Variants in UTRN observed in about 807,000 individuals in gnomAD.
UTRN encodes utrophin.
A neutral mutation model predicts 463.9 loss-of-function variants in UTRN; 283 were observed. The ratio of observed to expected loss-of-function variants is 0.61; its 90% CI spans 0.55 to 0.67. UTRN has a LOEUF of 0.67. Among genes scored for constraint, UTRN ranks in the 30% least tolerant of loss-of-function variants. The pLI, the probability that UTRN is intolerant of heterozygous loss-of-function variation, is 0.00. For synonymous variants in UTRN, 1,442 were observed against 1,431.5 expected, an observed-to-expected ratio of 1.01 and a Z score of -0.17; for missense variants, 3,922 against 4,084.3, an observed-to-expected ratio of 0.96 and a Z score of 1.08.
intron 51 of UTRN, among the ~76,000 whole-genome samples, chr6:144,622,889 C>A (rs1055876046): frequency 6.6e-6 from 1 of 152,148 alleles, no homozygotes; most frequent in African/African-American, 2.4e-5. Context: ...TCTGGATCAC[C>A]TTTGTTTTTA....
intron 51 of UTRN, among the ~76,000 whole-genome samples, chr6:144,596,834 T>C (rs1419609797): frequency 1.3e-5 from 2 of 152,214 alleles, no homozygotes; most frequent in Admixed American, 1.3e-4. Context: ...CTTGTCAGAT[T>C]ACTTGAGCCC....
chr6:144,776,917 G>A (rs565134363), intron 60 of UTRN, among the ~76,000 whole-genome samples: 13 of 152,212 alleles, frequency 8.5e-5, no homozygotes, highest in East Asian at 1.9e-4. Flanking sequence ...CAATGTTGTC[G>A]ATCACCTCTC....
At chr6:144,704,689 C>A (rs1041697508) in intron 53 of UTRN, among the ~76,000 whole-genome samples, 1 of 152,068 alleles carries the variant, frequency 6.6e-6, no homozygotes, top group Non-Finnish European at 1.5e-5. Flanking sequence ...TCTGGCTGGG[C>A]GTGGTGGCTC....
intron 2 of UTRN, among the ~76,000 whole-genome samples, chr6:144,392,011 T>C (rs992630660): frequency 6.6e-6 from 1 of 152,236 alleles, no homozygotes; most frequent in Non-Finnish European, 1.5e-5. Context: ...ATTTGGTGCA[T>C]TGGGTGCTGA....
intron 54 of UTRN, among the ~76,000 whole-genome samples, chr6:144,743,609 G>A (rs1463340867): frequency 6.6e-6 from 1 of 152,166 alleles, no homozygotes; most frequent in Non-Finnish European, 1.5e-5. Context: ...GGGGCAATGG[G>A]CAAAATGGGA....
Position 144,542,821 on chromosome 6 carries a change from G to T in UTRN, c.6546G>T (p.Leu2182=). ...NKICREVPTT[L]KECIQEPSSV... Reference sequence around the variant, plus strand: ...TTTGCAGAGAGGTGCCTACCACCCTGAAGGAATGCATCCAGGAGCCCAGTT... The same window carrying T: ...TTTGCAGAGAGGTGCCTACCACCCTTAAGGAATGCATCCAGGAGCCCAGTT... The change falls in exon 46 of 75, where the codon CTG becomes CTT. Residue 2182 remains leucine, a synonymous_variant. Transcript: ENST00000367545. The T allele has an allele frequency of 6.2e-7, 1 of 1,613,792 alleles. No homozygotes were observed. The highest frequency in any genetic ancestry group is 8.5e-7 in the Non-Finnish European group (1 of 1,179,880).
intron 51 of UTRN, among the ~76,000 whole-genome samples, chr6:144,603,258 A>G (rs1585511254): frequency 6.6e-6 from 1 of 152,234 alleles, no homozygotes; most frequent in East Asian, 1.9e-4. Context: ...TTTTATGCAT[A>G]TCTTTTACTG....
At chr6:144,292,013 G>T in intron 2 of UTRN, 106 bp downstream of exon 2, 1 of 1,065,988 alleles carries the variant, frequency 9.4e-7, no homozygotes, top group Non-Finnish European at 1.3e-6. Flanking sequence ...TGGAGGTGAA[G>T]TTCTTTTAAG....
intron 13 of UTRN, among the ~76,000 whole-genome samples, chr6:144,440,806 T>A (rs916374717): frequency 2.6e-5 from 4 of 152,260 alleles, no homozygotes; most frequent in African/African-American, 9.6e-5. Flanking sequence ...AAAAAGAGGT[T>A]TAAGGGACTT....
chr6:144,787,153 A>C (rs918095342), intron 61 of UTRN, among the ~76,000 whole-genome samples: 7 of 152,180 alleles, frequency 4.6e-5, no homozygotes, highest in Non-Finnish European at 1.5e-5. Context: ...CCGTTCACAA[A>C]GCCTTCTGTT....
rs115303063 is a variant in UTRN, at chr6:144,559,562, T to C, written c.7289+2251T>C. 3.8e-3 allele frequency among the ~76,000 whole-genome samples: 571 copies of C among 152,220 alleles called. 1 individual carries two copies. Among genetic ancestry groups the C allele is most frequent in the African/African-American group, 0.013 (554 of 41,550 alleles). On this transcript the variant is annotated intron_variant, in intron 50 of 74. Coordinates refer to ENST00000367545, the MANE Select transcript of UTRN (RefSeq NM_007124.3). ...TAAAGCTTGTGAATGTATATTTAAC[T>C]TTTTTCTGAATTCTTGGTAGTATTG...
intron 51 of UTRN, among the ~76,000 whole-genome samples, chr6:144,635,732 G>A (rs923389902): frequency 1.3e-5 from 2 of 150,840 alleles, no homozygotes; most frequent in South Asian, 2.1e-4. Context: ...TAGAGATGAC[G>A]TTATGCCATT....
At position 144,597,463 on chromosome 6, in the gene UTRN, A is replaced by G. The variant is rs955870649; in HGVS notation, c.7479+20175A>G. ...TTATATTTTACTAATTCCTGTAGAG[A>G]TGAGCAACAAAATTGTCCTTTATGA... On this transcript the variant is annotated intron_variant, in intron 51 of 74. Coordinates refer to ENST00000367545, the MANE Select transcript of UTRN (RefSeq NM_007124.3). 8.5e-5 allele frequency among the ~76,000 whole-genome samples: 13 copies of G among 152,284 alleles called. No homozygotes were observed. The East Asian group carries it at 2.5e-3, about 29-fold the overall frequency.
intron 51 of UTRN, among the ~76,000 whole-genome samples, chr6:144,591,973 T>C (rs1263453932): frequency 6.6e-6 from 1 of 152,128 alleles, no homozygotes; most frequent in East Asian, 1.9e-4. Flanking sequence ...GTCTAGAGTG[T>C]AGCTGCACCT....
intron 52 of UTRN, among the ~76,000 whole-genome samples, chr6:144,682,164 A>G (rs1441065007): frequency 6.6e-6 from 1 of 151,838 alleles, no homozygotes; most frequent in Non-Finnish European, 1.5e-5. Context: ...TACCCTTCCC[A>G]GCCTCTGGTA....
intron 2 of UTRN, among the ~76,000 whole-genome samples, chr6:144,295,529 C>T (rs936461742): frequency 1.3e-5 from 2 of 152,246 alleles, no homozygotes; most frequent in Admixed American, 6.5e-5. Flanking sequence ...ATGTGTTCTT[C>T]AAGCGACCTT....
intron 65 of UTRN, among the ~76,000 whole-genome samples, chr6:144,808,065 A>G (rs1364897654): frequency 6.6e-6 from 1 of 152,178 alleles, no homozygotes; most frequent in East Asian, 1.9e-4. Flanking sequence ...ACACACACAC[A>G]CACGCAGTTA....
rs9376851 is a variant in UTRN, at chr6:144,765,466, T to A, written c.8496-6441T>A. Among the ~76,000 whole-genome samples the A allele has an allele frequency of 3.3e-3, 503 of 152,290 alleles. 18 individuals carry two copies. The East Asian group carries it at 0.078, about 24-fold the overall frequency. ...TCTCACTCTGTTGCCCAGGCCAGAG[T>A]GCAGTGGTGCAACCATGGCTCATTG... On this transcript the variant is annotated intron_variant, in intron 58 of 74. Coordinates refer to ENST00000367545, the MANE Select transcript of UTRN (RefSeq NM_007124.3).
chr6:144,702,842 G>A (rs979467869), intron 53 of UTRN, among the ~76,000 whole-genome samples: 4 of 152,174 alleles, frequency 2.6e-5, no homozygotes, highest in African/African-American at 9.6e-5. Context: ...GTAGATAGGA[G>A]ATGAAGCTGG....
Sources: allele counts gnomAD v4.1 joint callset (sites outside exome capture counted in the v4.1 genomes callset), GRCh38; gene constraint gnomAD v4.1.1; transcripts MANE v1.5; gene names NCBI Gene and HGNC (gene_info 2026-07-23, HGNC 2026-07-21).